STX18: variants seen among roughly 807,000 people sequenced by gnomAD.
STX18 encodes syntaxin 18.
A neutral mutation model predicts 50.1 loss-of-function variants in STX18; 40 were observed. The observed-to-expected ratio is 0.80, with a 90% CI of 0.62 to 1.04. STX18 has a LOEUF of 1.04. Among genes scored for constraint, STX18 ranks in the 50% least tolerant of loss-of-function variants. The probability of loss-of-function intolerance (pLI) is 0.00; values close to 1 mark genes in which losing one functional copy is unlikely to be tolerated. For missense variants in STX18, 410 were observed against 415.8 expected (o/e 0.99, Z 0.12); for synonymous variants, 158 against 151.8 (o/e 1.04, Z -0.30).
intron 5 of STX18, among the ~76,000 whole-genome samples, chr4:4,452,817 T>C (rs1726832427): frequency 6.6e-6 from 1 of 152,202 alleles, no homozygotes; most frequent in Non-Finnish European, 1.5e-5. Flanking sequence ...TTAGACGCCA[T>C]TAAGAACATT....
intron 1 of STX18, among the ~76,000 whole-genome samples, chr4:4,523,994 T>C (rs558963932): frequency 2.0e-5 from 3 of 152,342 alleles, no homozygotes; most frequent in South Asian, 2.1e-4. Flanking sequence ...GACACTTTGA[T>C]AGCAGCACTT....
chr4:4,503,872 A>C (rs1729573718), intron 1 of STX18, among the ~76,000 whole-genome samples: 1 of 152,246 alleles, frequency 6.6e-6, no homozygotes, highest in Non-Finnish European at 1.5e-5. Context: ...AAAAACTTCC[A>C]CTTTAAAATG....
Position 4,487,823 on chromosome 4 carries a change from A to G in STX18, c.169-16117T>C, listed in dbSNP as rs532405247. 3.9e-5 allele frequency among the ~76,000 whole-genome samples: 6 copies of G among 152,320 alleles called. No homozygotes were observed. In the East Asian group the frequency reaches 9.6e-4, roughly 24 times the overall value. On this transcript the variant is annotated intron_variant, in intron 1 of 10. Transcript: ENST00000306200. ...TCTTTTTGTGTTGAAGAATTTTAAA[A>G]CTTTAAAAAATTCTAAGTCCAAAAA... is the stretch of plus-strand genomic sequence containing the variant.
At chr4:4,540,065 C>T (rs1731508936) in intron 1 of STX18, among the ~76,000 whole-genome samples, 1 of 152,170 alleles carries the variant, frequency 6.6e-6, no homozygotes, top group Admixed American at 6.5e-5. Flanking sequence ...GGGAGAGTGT[C>T]CTGTTTCTCT....
chr4:4,457,174 A>G lies in STX18; in HGVS notation c.497+17T>C, dbSNP rs376671232. 3 of 1,607,612 alleles carry G rather than the reference A, an allele frequency of 1.9e-6. No homozygotes were observed. Among genetic ancestry groups the G allele is most frequent in the African/African-American group, 2.7e-5 (2 of 74,752 alleles). On this transcript the variant is annotated intron_variant, in intron 5 of 10. Coordinates refer to ENST00000306200, the MANE Select transcript of STX18 (RefSeq NM_016930.4). ...TACTATTATTAATTAAGAAACACCA[A>G]TGAAAGCAATACTTACAATCTTTTC...
chr4:4,501,692 T>C (rs1259434328), intron 1 of STX18, among the ~76,000 whole-genome samples: 3 of 152,242 alleles, frequency 2.0e-5, no homozygotes, highest in African/African-American at 7.2e-5. Context: ...GTTCAGCTGT[T>C]ATTTAATCTT....
rs528592425 is a variant in STX18 at position 4,471,647 on chromosome 4, A to G, written c.228T>C (p.Asn76=). ...AAAAAATATGTACTTACCTATAAGC[A>G]TTAATATAATCTTTCCTGTGTTCCA... ...FLLEHRKDYI[N]AYSHTMSEYG... is the part of the protein sequence containing the mutation. Residue 76 remains asparagine, a synonymous_variant, in exon 2 of 11, where the codon AAT becomes AAC. Coordinates refer to ENST00000306200, the MANE Select transcript of STX18 (RefSeq NM_016930.4). 1 of 1,573,600 alleles carries G rather than the reference A, an allele frequency of 6.4e-7. No homozygotes were observed. Among genetic ancestry groups the G allele is most frequent in the South Asian group, 1.2e-5 (1 of 83,654 alleles).
At chr4:4,540,535 G>A (rs894982890) in intron 1 of STX18, among the ~76,000 whole-genome samples, 1 of 152,124 alleles carries the variant, frequency 6.6e-6, no homozygotes, top group Non-Finnish European at 1.5e-5. Flanking sequence ...AGGCATCATC[G>A]CCTCTATAAA....
chr4:4,530,511 C>T (rs1731044399), intron 1 of STX18, among the ~76,000 whole-genome samples: 1 of 151,966 alleles, frequency 6.6e-6, no homozygotes, highest in African/African-American at 2.4e-5. Flanking sequence ...GTGACAGCTG[C>T]CATCACCATC....
chr4:4,479,280 T>C (rs1294959675), intron 1 of STX18, among the ~76,000 whole-genome samples: 1 of 152,204 alleles, frequency 6.6e-6, no homozygotes, highest in South Asian at 2.1e-4. Context: ...CCTGTATAAA[T>C]GGTTTGAAAT....
intron 3 of STX18, among the ~76,000 whole-genome samples, chr4:4,459,062 G>GCACACGCACACACACACA (rs1553837176): frequency 6.9e-6 from 1 of 144,282 alleles, no homozygotes; most frequent in Non-Finnish European, 1.5e-5. Context: ...ACACACACAC[G>GCACACGCACACACACACA]CACACACACA....
intron 7 of STX18, among the ~76,000 whole-genome samples, chr4:4,430,730 T>C (rs1055667221): frequency 2.0e-5 from 3 of 152,210 alleles, no homozygotes; most frequent in Non-Finnish European, 4.4e-5. Context: ...TGCACAGACA[T>C]GGCAGTATCC....
At chr4:4,455,763 C>T (rs554595841) in intron 5 of STX18, among the ~76,000 whole-genome samples, 96 of 152,314 alleles carry the variant, frequency 6.3e-4, no homozygotes, top group Non-Finnish European at 1.3e-3. Flanking sequence ...CACGTGTTGT[C>T]ATAGGTCACA....
At chr4:4,487,683 T>C (rs534963605) in intron 1 of STX18, among the ~76,000 whole-genome samples, 27 of 152,332 alleles carry the variant, frequency 1.8e-4, no homozygotes, top group Non-Finnish European at 2.9e-4. Flanking sequence ...AACAAACCCA[T>C]CAATTTTATT....
At chr4:4,514,514 T>C (rs1339550921) in intron 1 of STX18, among the ~76,000 whole-genome samples, 2 of 152,204 alleles carry the variant, frequency 1.3e-5, no homozygotes, top group Non-Finnish European at 2.9e-5. Context: ...TACCTTTCAA[T>C]ACTAAGATTC....
At chr4:4,465,371 A>G (rs1306643140) in intron 2 of STX18, among the ~76,000 whole-genome samples, 1 of 152,252 alleles carries the variant, frequency 6.6e-6, no homozygotes, top group East Asian at 1.9e-4. Flanking sequence ...TCAATGAATG[A>G]TAGACTGGAT....
chr4:4,453,456 G>C (rs1017457873), intron 5 of STX18, among the ~76,000 whole-genome samples: 6 of 152,134 alleles, frequency 3.9e-5, no homozygotes, highest in African/African-American at 1.2e-4. Context: ...AGCACTTTCA[G>C]CAATAAAGTA....
chr4:4,452,593 AG>A (rs1422011052), intron 5 of STX18, among the ~76,000 whole-genome samples: 1 of 152,190 alleles, frequency 6.6e-6, no homozygotes, highest in Non-Finnish European at 1.5e-5. Context: ...GCTACTCGAG[AG>A]GCTAAGGTGG....
At chr4:4,534,075 C>A (rs1731224758) in intron 1 of STX18, among the ~76,000 whole-genome samples, 1 of 152,180 alleles carries the variant, frequency 6.6e-6, no homozygotes, top group African/African-American at 2.4e-5. Flanking sequence ...ATTGCTGAGA[C>A]AGGTCTCAAT....
Sources: allele counts gnomAD v4.1 joint callset (sites outside exome capture counted in the v4.1 genomes callset), GRCh38; gene constraint gnomAD v4.1.1; transcripts MANE v1.5; gene names NCBI Gene and HGNC (gene_info 2026-07-23, HGNC 2026-07-21).